The following ADAM12 variants were observed in gnomAD, a reference collection of about 807,000 sequenced individuals.
ADAM12 encodes the protein disintegrin and metalloproteinase domain-containing protein 12.
In ADAM12, 70 loss-of-function variants were observed where a neutral mutation model predicts 106.4. The observed-to-expected ratio is 0.66, with a 90% CI of 0.54 to 0.80. The LOEUF is 0.80. Among genes scored for constraint, ADAM12 ranks in the 30% least tolerant of loss-of-function variants. The pLI, the probability that ADAM12 is intolerant of heterozygous loss-of-function variation, is 0.00. For synonymous variants in ADAM12, 420 were observed against 433.5 expected (o/e 0.97, Z 0.39); for missense variants, 1,010 against 1,171.9 (o/e 0.86, Z 2.02).
intron 11 of ADAM12, among the ~76,000 whole-genome samples, chr10:126,089,233 T>C (rs1955417352): frequency 6.6e-6 from 1 of 152,196 alleles, no homozygotes; most frequent in Non-Finnish European, 1.5e-5. Flanking sequence ...GGTGGCTCTC[T>C]GACAGAATCC....
intron 8 of ADAM12, among the ~76,000 whole-genome samples, chr10:126,106,630 C>T (rs568064148): frequency 2.6e-5 from 4 of 152,016 alleles, no homozygotes; most frequent in East Asian, 1.9e-4. Context: ...GGACTACAGG[C>T]GCATGCCACC....
intron 11 of ADAM12, among the ~76,000 whole-genome samples, chr10:126,087,650 T>C (rs1009426077): frequency 2.6e-5 from 4 of 152,218 alleles, no homozygotes; most frequent in African/African-American, 9.6e-5. Flanking sequence ...AATTCCAGCA[T>C]GACAAATGTA....
intron 19 of ADAM12, 84 bp downstream of exon 19, chr10:126,039,210 G>A: frequency 2.0e-6 from 3 of 1,523,666 alleles, no homozygotes; most frequent in Non-Finnish European, 2.7e-6. Context: ...GCCTCCCAAA[G>A]TGCTGGGATT....
At chr10:126,204,060 G>A (rs903269296) in intron 3 of ADAM12, among the ~76,000 whole-genome samples, 2 of 152,160 alleles carry the variant, frequency 1.3e-5, no homozygotes, top group East Asian at 3.9e-4. Flanking sequence ...GCCAATGCAA[G>A]GCTGCCAGTG....
chr10:126,189,030 T>C (rs1395793043), intron 3 of ADAM12, among the ~76,000 whole-genome samples: 1 of 152,198 alleles, frequency 6.6e-6, no homozygotes, highest in East Asian at 1.9e-4. Context: ...AGGTGCAGTG[T>C]GAGCCCTGTT....
intron 4 of ADAM12, among the ~76,000 whole-genome samples, chr10:126,151,370 A>G (rs1956726005): frequency 2.0e-5 from 3 of 152,228 alleles, no homozygotes; most frequent in African/African-American, 7.2e-5. Context: ...ACTATCAGTT[A>G]TAATACTTTT....
intron 17 of ADAM12, 71 bp downstream of exon 17, chr10:126,045,983 CT>C: frequency 7.2e-7 from 1 of 1,394,518 alleles, no homozygotes; most frequent in South Asian, 1.2e-5. Flanking sequence ...ATTGCAAAAC[CT>C]TTTACAAATG....
At chr10:126,360,326 A>AT (rs1419794759) in intron 1 of ADAM12, among the ~76,000 whole-genome samples, 2 of 152,078 alleles carry the variant, frequency 1.3e-5, no homozygotes, top group Non-Finnish European at 2.9e-5. Context: ...AGAAAATGGG[A>AT]TTTTCTTATC....
chr10:126,199,607 C>T (rs1008205459), intron 3 of ADAM12, among the ~76,000 whole-genome samples: 2 of 152,116 alleles, frequency 1.3e-5, no homozygotes, highest in African/African-American at 2.4e-5. Flanking sequence ...GAGTGTGTCT[C>T]GGACCGTCTT....
chr10:126,343,791 A>AC lies in ADAM12; in HGVS notation c.89-13283_89-13282insG, dbSNP rs1855028408. 2.6e-5 allele frequency among the ~76,000 whole-genome samples: 4 copies of AC among 152,120 alleles called. No homozygotes were observed. The South Asian group carries it at 8.3e-4, about 32-fold the overall frequency. On this transcript the variant is annotated intron_variant, in intron 1 of 22. Coordinates refer to ENST00000448723, the MANE Select transcript of ADAM12 (RefSeq NM_001288973.2). ...TCTCTGATGGCCAGTGATGAGGAGC[A>AC]TTTTTTCATGTGTCTGTTAGCTGCA...
chr10:126,286,562 G>A (rs1029592517), intron 2 of ADAM12, among the ~76,000 whole-genome samples: 3 of 152,206 alleles, frequency 2.0e-5, no homozygotes, highest in Non-Finnish European at 2.9e-5. Context: ...CACGGGGCAC[G>A]AGGGAGTCAT....
At chr10:126,068,453 G>A (rs1954918061) in intron 12 of ADAM12, among the ~76,000 whole-genome samples, 1 of 152,154 alleles carries the variant, frequency 6.6e-6, no homozygotes, top group African/African-American at 2.4e-5. Flanking sequence ...ATGCCAAATG[G>A]CTCTGACTTC....
Position 126,017,191 on chromosome 10 carries a change from A to T in ADAM12, c.*88T>A. The T allele has an allele frequency of 8.1e-7, 1 of 1,235,084 alleles. No homozygotes were observed. The highest frequency in any genetic ancestry group is 1.1e-6 in the Non-Finnish European group (1 of 878,580). 76.5% of individuals were successfully genotyped at this position (1,235,084 alleles called of 1,614,324 possible). A position where few individuals can be genotyped will look rare whatever the true frequency, so the allele number is the denominator to read the frequency against. ...AATGATGTTTTAAACATTAAAAAAAATCCTAAAAGTTGGTACAAAAAACTC... is the reference window on the plus strand; with the variant it reads ...AATGATGTTTTAAACATTAAAAAAATTCCTAAAAGTTGGTACAAAAAACTC... On this transcript the variant is annotated 3_prime_UTR_variant, in exon 23 of 23. Transcript: ENST00000448723.
chr10:126,312,600 G>C (rs1483874545), intron 2 of ADAM12, among the ~76,000 whole-genome samples: 1 of 152,174 alleles, frequency 6.6e-6, no homozygotes, highest in African/African-American at 2.4e-5. Flanking sequence ...AGCCTTTAAG[G>C]AGGAGGAGAA....
rs1367100696 is a variant in ADAM12 at position 126,210,787 on chromosome 10, GC to G, written c.261-55483del. Among the ~76,000 whole-genome samples, 3 of 152,250 alleles carry G rather than the reference GC, an allele frequency of 2.0e-5. No individual in the cohort carries two copies. The East Asian group carries it at 5.8e-4, about 29-fold the overall frequency. On this transcript the variant is annotated intron_variant, in intron 3 of 22. Transcript: ENST00000448723. ...AGGGCTGGGTTGACCCAGAAGTGGG[GC>G]TTTTCTGGACATTAAGGGAGGCTGA...
intron 2 of ADAM12, among the ~76,000 whole-genome samples, chr10:126,320,959 T>A (rs1232588206): frequency 6.6e-6 from 1 of 152,226 alleles, no homozygotes; most frequent in Middle Eastern, 3.2e-3. Flanking sequence ...GTTTATTTTT[T>A]AAAATCCCAT....
At chr10:126,276,743 GAAAT>G (rs1249862438) in intron 3 of ADAM12, among the ~76,000 whole-genome samples, 5 of 152,168 alleles carry the variant, frequency 3.3e-5, no homozygotes, top group African/African-American at 1.2e-4. Context: ...TGCAAAGAGA[GAAAT>G]AAATTAAAAA....
chr10:126,107,185 T>C (rs551085241), intron 8 of ADAM12, among the ~76,000 whole-genome samples: 89 of 152,318 alleles, frequency 5.8e-4, no homozygotes, highest in Non-Finnish European at 9.4e-4. Context: ...ATACTCCTTC[T>C]TCTGCTATGC....
chr10:126,279,920 T>A (rs1013815950), intron 2 of ADAM12, among the ~76,000 whole-genome samples: 6 of 152,248 alleles, frequency 3.9e-5, no homozygotes, highest in African/African-American at 1.4e-4. Flanking sequence ...TTACGCTGAC[T>A]TCGTCTGCCT....
Sources: gnomAD v4.1 joint callset for allele counts (sites outside exome capture counted in the v4.1 genomes callset) on GRCh38, gnomAD v4.1.1 for gene constraint, MANE v1.5 for transcripts, NCBI Gene and HGNC (gene_info 2026-07-23, HGNC 2026-07-21) for gene names.